Variants in TEX2 observed in about 807,000 individuals in gnomAD.
TEX2 encodes the protein testis expressed 2.
In TEX2, 53 loss-of-function variants were observed where a neutral mutation model predicts 106.9. The ratio of observed to expected loss-of-function variants is 0.50; its 90% CI spans 0.40 to 0.62. The LOEUF (loss-of-function observed/expected upper bound fraction) is 0.62, where lower values mean the gene tolerates loss of function less well. Ranked by LOEUF, TEX2 falls within the 20% of genes least tolerant of loss-of-function variation. The pLI is 0.00. For missense variants in TEX2, 1,207 were observed against 1,379.0 expected, an observed-to-expected ratio of 0.88 and a Z score of 1.98; for synonymous variants, 523 against 534.8, an observed-to-expected ratio of 0.98 and a Z score of 0.30.
At position 64,238,252 on chromosome 17, in the gene TEX2, T is replaced by C. The variant is rs549991588; in HGVS notation, c.-25-24010A>G. On this transcript the variant is annotated intron_variant, in intron 1 of 11. Coordinates refer to ENST00000584379, the MANE Select transcript of TEX2 (RefSeq NM_001288732.2). ...AGGTGGAGGTTGCAGTGAGCCGAGA[T>C]TGTGCCATTGCACTCCAGCCTGGGC... is the stretch of plus-strand genomic sequence containing the variant. Among the ~76,000 whole-genome samples the C allele has an allele frequency of 4.4e-4, 67 of 152,288 alleles. 1 individual carries two copies. In the East Asian group the frequency reaches 0.011, roughly 26 times the overall value.
chr17:64,227,223 T>TG (rs1555633984), intron 1 of TEX2, among the ~76,000 whole-genome samples: 1 of 73,712 alleles, frequency 1.4e-5, no homozygotes, highest in African/African-American at 3.9e-5. Context: ...AGACTCCGTA[T>TG]CAAAAAAAAA....
At chr17:64,187,495 C>G (rs17562530) in intron 5 of TEX2, among the ~76,000 whole-genome samples, 12,761 of 152,202 alleles carry the variant, frequency 0.084, 637 homozygotes, top group Non-Finnish European at 0.11. Flanking sequence ...ATTGATCCAG[C>G]CTTCACTATG....
intron 6 of TEX2, 140 bp downstream of exon 6, chr17:64,177,185 G>T: frequency 1.1e-6 from 1 of 890,192 alleles, no homozygotes; most frequent in Non-Finnish European, 1.8e-6. Flanking sequence ...ATCAAGGTCA[G>T]ATGTGCTGTT....
At position 64,195,149 on chromosome 17, in the gene TEX2, A is replaced by AGT; in HGVS notation, c.1645-56_1645-55dup. On this transcript the variant is annotated intron_variant, in intron 2 of 11. Coordinates refer to ENST00000584379, the MANE Select transcript of TEX2 (RefSeq NM_001288732.2). The surrounding 1 kb of genome is among the most constrained non-coding windows in gnomAD (Gnocchi z 4.1). ...ATCAGAATAATCGCAAATCTGATTT[A>AGT]GTGTGAAATGATGAACACTGTGGTA... The AGT allele has an allele frequency of 6.5e-7, 1 of 1,534,750 alleles. No individual in the cohort carries two copies. The highest frequency in any genetic ancestry group is 9.0e-7 in the Non-Finnish European group (1 of 1,112,530).
At chr17:64,149,195 A>G (rs1659130308) in intron 11 of TEX2, 104 bp from the exon 12 acceptor site, 1 of 1,300,908 alleles carries the variant, frequency 7.7e-7, no homozygotes, top group African/African-American at 1.5e-5. Flanking sequence ...TTTTAAAAGT[A>G]CATATAAAAA....
chr17:64,241,183 T>C (rs2033881094), intron 1 of TEX2, among the ~76,000 whole-genome samples: 1 of 152,170 alleles, frequency 6.6e-6, no homozygotes, highest in Admixed American at 6.5e-5. Context: ...AGGGGTCGGT[T>C]CATGCGTCTG....
At chr17:64,176,269 G>A (rs1355486217) in intron 6 of TEX2, among the ~76,000 whole-genome samples, 1 of 152,148 alleles carries the variant, frequency 6.6e-6, no homozygotes, top group Non-Finnish European at 1.5e-5. Context: ...GAAAAGCTCT[G>A]TTCTTTACCC....
At chr17:64,157,565 C>T (rs1477068067) in intron 8 of TEX2, among the ~76,000 whole-genome samples, 1 of 152,194 alleles carries the variant, frequency 6.6e-6, no homozygotes, top group African/African-American at 2.4e-5. Flanking sequence ...AAAGAAGCCC[C>T]CAAAATGCTT....
In TEX2 at chr17:64,261,952, A is replaced by C. The variant is rs557203983; in HGVS notation, c.-26+1216T>G. 2.1e-3 allele frequency among the ~76,000 whole-genome samples: 315 copies of C among 150,506 alleles called. 2 individuals carry two copies. Among genetic ancestry groups the C allele is most frequent in the Non-Finnish European group, 3.0e-3 (204 of 67,554 alleles). On this transcript the variant is annotated intron_variant, in intron 1 of 11. Transcript: ENST00000584379. ...AAACTCACAAACCTAGACTCCTCAA[A>C]CTCCCCATACTCCAGAGTTCAAGGA... is the stretch of plus-strand genomic sequence containing the variant.
At chr17:64,221,610 G>A (rs782420674) in intron 1 of TEX2, among the ~76,000 whole-genome samples, 2 of 152,136 alleles carry the variant, frequency 1.3e-5, no homozygotes, top group African/African-American at 2.4e-5. Flanking sequence ...GTAAAATGGC[G>A]CAACTGGTAT....
intron 1 of TEX2, among the ~76,000 whole-genome samples, chr17:64,243,519 T>C (rs1314051728): frequency 6.6e-6 from 1 of 152,172 alleles, no homozygotes; most frequent in Non-Finnish European, 1.5e-5. Flanking sequence ...GCTGTACAAG[T>C]CTCAAAATGA....
chr17:64,210,604 G>C (rs2032968163), intron 2 of TEX2, among the ~76,000 whole-genome samples: 1 of 135,246 alleles, frequency 7.4e-6, no homozygotes, highest in Admixed American at 7.6e-5. Context: ...TATTATTTTG[G>C]ATCCTAAAAG....
chr17:64,186,812 C>T (rs1311504105), intron 5 of TEX2, among the ~76,000 whole-genome samples: 2 of 150,624 alleles, frequency 1.3e-5, no homozygotes, highest in East Asian at 1.9e-4. Context: ...GGTGACACTG[C>T]GAGACCTTGT....
chr17:64,253,777 C>A (rs1393410552), intron 1 of TEX2, among the ~76,000 whole-genome samples: 1 of 152,212 alleles, frequency 6.6e-6, no homozygotes, highest in Non-Finnish European at 1.5e-5. Flanking sequence ...TGAACAAACT[C>A]TGCAGCTCAC....
intron 1 of TEX2, among the ~76,000 whole-genome samples, chr17:64,261,531 C>T (rs1298110719): frequency 6.6e-6 from 1 of 152,194 alleles, no homozygotes; most frequent in African/African-American, 2.4e-5. Flanking sequence ...TTTCCTCCCT[C>T]CTCGTCTGTC....
chr17:64,245,589 G>A (rs1474614503), intron 1 of TEX2, among the ~76,000 whole-genome samples: 3 of 152,130 alleles, frequency 2.0e-5, no homozygotes, highest in Admixed American at 6.5e-5. Context: ...GTCAAGAAAA[G>A]CAGACATATT....
At chr17:64,171,333 T>G (rs1281618361) in intron 6 of TEX2, 134 bp from the exon 7 acceptor site, 1 of 692,198 alleles carries the variant, frequency 1.4e-6, no homozygotes, top group South Asian at 1.7e-5. Context: ...GAAAACGTAA[T>G]GTGCACACAT....
intron 6 of TEX2, 22 bp downstream of exon 6, chr17:64,177,303 C>A: frequency 1.2e-6 from 2 of 1,613,682 alleles, no homozygotes; most frequent in South Asian, 1.1e-5. Context: ...GGATTAGAAG[C>A]CTCTTGTGTG....
chr17:64,208,097 C>T (rs2032891435), intron 2 of TEX2, among the ~76,000 whole-genome samples: 1 of 152,178 alleles, frequency 6.6e-6, no homozygotes, highest in South Asian at 2.1e-4. Flanking sequence ...GCACTGGTCA[C>T]AGGAGAGCAG....
Sources: gnomAD v4.1 joint callset for allele counts (sites outside exome capture counted in the v4.1 genomes callset) on GRCh38, gnomAD v4.1.1 for gene constraint, Gnocchi (gnomAD v3.1) non-coding constraint, MANE v1.5 for transcripts, NCBI Gene and HGNC (gene_info 2026-07-23, HGNC 2026-07-21) for gene names.